Variants in EFL1 observed in about 807,000 individuals in gnomAD.
The protein encoded by EFL1 is elongation factor-like GTPase 1.
A neutral mutation model predicts 126.7 loss-of-function variants in EFL1; 76 were observed. The observed-to-expected ratio is 0.60, with a 90% CI of 0.50 to 0.73. EFL1 has a LOEUF of 0.73. Among genes scored for constraint, EFL1 ranks in the 30% least tolerant of loss-of-function variants. The pLI, the probability that EFL1 is intolerant of heterozygous loss-of-function variation, is 0.00. For missense variants in EFL1, 1,128 were observed against 1,343.2 expected (o/e 0.84, Z 2.50); for synonymous variants, 410 against 448.4 (o/e 0.91, Z 1.08).
At chr15:82,256,965 C>A (rs770417966) in intron 3 of EFL1, among the ~76,000 whole-genome samples, 3 of 152,110 alleles carry the variant, frequency 2.0e-5, no homozygotes, top group Non-Finnish European at 2.9e-5. Flanking sequence ...CAAAGTTATG[C>A]TATCTTCATA....
chr15:82,261,038 G>C (rs1204976800), intron 2 of EFL1, among the ~76,000 whole-genome samples: 1 of 152,098 alleles, frequency 6.6e-6, no homozygotes, highest in Non-Finnish European at 1.5e-5. Context: ...ACTGGGCTTT[G>C]ACCACATATA....
At chr15:82,196,399 T>C (rs576018840) in intron 15 of EFL1, among the ~76,000 whole-genome samples, 1 of 152,246 alleles carries the variant, frequency 6.6e-6, no homozygotes, top group Non-Finnish European at 1.5e-5. Flanking sequence ...AAGGGTTCTA[T>C]ATGCAGAGTA....
chr15:82,154,952 A>C (rs948660772), intron 17 of EFL1, among the ~76,000 whole-genome samples: 33 of 152,048 alleles, frequency 2.2e-4, no homozygotes, highest in Non-Finnish European at 4.6e-4. Flanking sequence ...TTTAGAGATG[A>C]GGTCTTGCTA....
chr15:82,223,839 A>T (rs1006125984), intron 12 of EFL1, among the ~76,000 whole-genome samples: 1 of 152,202 alleles, frequency 6.6e-6, no homozygotes, highest in African/African-American at 2.4e-5. Flanking sequence ...TCATTCACCC[A>T]TTCACTGACC....
intron 15 of EFL1, among the ~76,000 whole-genome samples, chr15:82,212,748 TG>T (rs1329623399): frequency 6.6e-6 from 1 of 152,226 alleles, no homozygotes; most frequent in Non-Finnish European, 1.5e-5. Context: ...CAATATCTTT[TG>T]CCTTAACTAC....
rs191600971 is a variant in EFL1, at chr15:82,190,069, A to G, written c.1750+24648T>C. Among the ~76,000 whole-genome samples, 1,218 of 151,518 alleles carry G rather than the reference A, an allele frequency of 8.0e-3. 15 individuals carry two copies. Among genetic ancestry groups the G allele is most frequent in the African/African-American group, 0.028 (1,142 of 41,272 alleles). On this transcript the variant is annotated intron_variant, in intron 15 of 19. Coordinates refer to ENST00000268206, the MANE Select transcript of EFL1 (RefSeq NM_024580.6). ...GAGGCGGAGGTTGCAGTGAGCCAAG[A>G]TCACGCACTCCAGCCTGGGCAACAG...
At position 82,154,025 on chromosome 15, in the gene EFL1, TG is replaced by T. The variant is rs2073941382; in HGVS notation, c.2031-1603del. On this transcript the variant is annotated intron_variant, in intron 17 of 19. Coordinates refer to ENST00000268206, the MANE Select transcript of EFL1 (RefSeq NM_024580.6). ...ATCTACAACACTGCCCTCTTATTCC[TG>T]TAACATAGTCAAAAGAGCTATGAGC... 3.3e-5 allele frequency among the ~76,000 whole-genome samples: 5 copies of T among 152,348 alleles called. No individual in the cohort carries two copies. The South Asian group carries it at 1.0e-3, about 32-fold the overall frequency.
At chr15:82,199,782 T>C (rs910816438) in intron 15 of EFL1, among the ~76,000 whole-genome samples, 1 of 152,234 alleles carries the variant, frequency 6.6e-6, no homozygotes, top group Non-Finnish European at 1.5e-5. Flanking sequence ...TCTATATAAT[T>C]ACCTTTACAG....
intron 17 of EFL1, among the ~76,000 whole-genome samples, chr15:82,156,753 T>A (rs1052274766): frequency 2.0e-5 from 3 of 152,220 alleles, no homozygotes; most frequent in Admixed American, 1.3e-4. Flanking sequence ...GTTATGATTA[T>A]GATTATAGTC....
intron 15 of EFL1, among the ~76,000 whole-genome samples, chr15:82,194,958 T>A (rs2074394482): frequency 6.6e-6 from 1 of 152,182 alleles, no homozygotes; most frequent in Non-Finnish European, 1.5e-5. Context: ...AAAATAAACT[T>A]AAACTTGGTA....
Position 82,192,835 on chromosome 15 carries a change from T to G in EFL1, c.1750+21882A>C, listed in dbSNP as rs551026415. Among the ~76,000 whole-genome samples the G allele has an allele frequency of 5.6e-4, 84 of 151,048 alleles. 1 individual carries two copies. The East Asian group carries it at 0.017, about 30-fold the overall frequency. ...ACTGATAATACATTCAATACCACTT[T>G]TATTAAAAAAAGAAAGAAAGAAAGA... On this transcript the variant is annotated intron_variant, in intron 15 of 19. Coordinates refer to ENST00000268206, the MANE Select transcript of EFL1 (RefSeq NM_024580.6).
chr15:82,218,625 C>T (rs2074675989), intron 14 of EFL1, among the ~76,000 whole-genome samples: 1 of 152,128 alleles, frequency 6.6e-6, no homozygotes. Flanking sequence ...TCACAGATTA[C>T]GTAGATGTAT....
At chr15:82,216,241 G>C (rs1395206619) in intron 14 of EFL1, among the ~76,000 whole-genome samples, 1 of 152,000 alleles carries the variant, frequency 6.6e-6, no homozygotes, top group Non-Finnish European at 1.5e-5. Context: ...TAAATAAATA[G>C]ATAAATAAAC....
chr15:82,231,100 T>G (rs2074817976), intron 7 of EFL1, 129 bp from the exon 8 acceptor site: 6 of 1,120,754 alleles, frequency 5.4e-6, no homozygotes, highest in Non-Finnish European at 7.4e-6. Context: ...TTCCTCATTT[T>G]ACAGAAAAGG....
At chr15:82,205,024 C>T (rs140363811) in intron 15 of EFL1, among the ~76,000 whole-genome samples, 4 of 152,220 alleles carry the variant, frequency 2.6e-5, no homozygotes, top group African/African-American at 9.6e-5. Context: ...ACAAGCCTAT[C>T]AGCTGAGTTT....
intron 15 of EFL1, among the ~76,000 whole-genome samples, chr15:82,165,183 C>A (rs141259356): frequency 5.3e-5 from 8 of 152,062 alleles, no homozygotes; most frequent in Admixed American, 2.0e-4. Context: ...GTGGGAGGAT[C>A]GCTTAAGCAC....
rs2074929659 is a variant in EFL1 at position 82,241,376 on chromosome 15, A to C, written c.272T>G (p.Ile91Arg). Residue 91 changes from isoleucine to arginine, a missense_variant, in exon 5 of 20, where the codon ATA (isoleucine) becomes AGA (arginine). Physicochemically the swap from Ile to Arg is moderately conservative, Grantham distance 97. Around this residue, in one of 6 missense-constraint regions of EFL1, gnomAD observed 118 missense variants for 188.1 expected, o/e 0.63. Transcript: ENST00000268206. The stretch of plus-strand genomic sequence containing the variant: ...AAAGTCCACGTGTCCTGGAGAGTCT[A>C]TCAGATTGATCAGGTACTCCTCATT... ...TGNEEYLINLIDSPGHVDFSS... is the reference protein window; with the variant it reads ...TGNEEYLINLRDSPGHVDFSS... 6.2e-7 allele frequency: 1 copy of C among 1,614,088 alleles called. No homozygotes were observed. The highest frequency in any genetic ancestry group is 1.3e-5 in the African/African-American group (1 of 75,074).
chr15:82,229,121 G>A lies in EFL1; in HGVS notation c.856-11C>T. ...TTTCTTTCCTTTGGCCTGTACAAAA[G>A]AACATACGGGCTTAAGTTCCTGAAC... On this transcript the variant is annotated splice_polypyrimidine_tract_variant and intron_variant, in intron 8 of 19. Coordinates refer to ENST00000268206, the MANE Select transcript of EFL1 (RefSeq NM_024580.6). The A allele has an allele frequency of 6.2e-7, 1 of 1,600,202 alleles. No individual in the cohort carries two copies. Among genetic ancestry groups the A allele is most frequent in the Non-Finnish European group, 8.5e-7 (1 of 1,175,374 alleles).
chr15:82,239,594 G>A (rs2074910185), intron 6 of EFL1, among the ~76,000 whole-genome samples: 1 of 152,072 alleles, frequency 6.6e-6, no homozygotes. Flanking sequence ...TCTCACGCAC[G>A]GCATATCAGG....
Sources: allele counts gnomAD v4.1 joint callset (sites outside exome capture counted in the v4.1 genomes callset), GRCh38; gene constraint gnomAD v4.1.1; regional missense constraint gnomAD v4.1.1; transcripts MANE v1.5; gene names NCBI Gene and HGNC (gene_info 2026-07-23, HGNC 2026-07-21).